The following FER variants were observed in gnomAD, a reference collection of about 807,000 sequenced individuals.
FER encodes tyrosine-protein kinase Fer.
In FER, 63 loss-of-function variants were observed where a neutral mutation model predicts 111.0. That is an observed-to-expected ratio of 0.57 (90% CI 0.46 to 0.70). The LOEUF is 0.70. Ranked by LOEUF, FER falls within the 30% of genes least tolerant of loss-of-function variation. The pLI is 0.00. For synonymous variants in FER, 327 were observed against 313.9 expected (o/e 1.04, Z -0.44); for missense variants, 914 against 954.0 (o/e 0.96, Z 0.55).
At chr5:108,943,778 G>A in intron 10 of FER, among the ~76,000 whole-genome samples, 1 of 151,894 alleles carries the variant, frequency 6.6e-6, no homozygotes, top group East Asian at 1.9e-4. Flanking sequence ...CTGTTGCCCA[G>A]GCTGGAGTAC....
intron 17 of FER, among the ~76,000 whole-genome samples, chr5:109,115,715 CAG>C (rs1483336076): frequency 6.6e-6 from 1 of 151,964 alleles, no homozygotes; most frequent in Non-Finnish European, 1.5e-5. Flanking sequence ...TCAGAAAAAT[CAG>C]AATTTTCAGC....
chr5:108,942,384 T>A (rs1581315266), intron 10 of FER, among the ~76,000 whole-genome samples: 1 of 152,174 alleles, frequency 6.6e-6, no homozygotes, highest in Admixed American at 6.6e-5. Context: ...GTTTTGTGCA[T>A]TTGGTTTCTA....
chr5:108,934,051 C>T (rs978384459), intron 10 of FER, among the ~76,000 whole-genome samples: 6 of 151,936 alleles, frequency 3.9e-5, no homozygotes, highest in Non-Finnish European at 8.8e-5. Flanking sequence ...GTTTGAATAC[C>T]CTTTATTTCT....
At chr5:108,960,532 AT>A (rs915125689) in intron 13 of FER, among the ~76,000 whole-genome samples, 13 of 151,900 alleles carry the variant, frequency 8.6e-5, no homozygotes, top group Admixed American at 2.0e-4. Flanking sequence ...AGGTTGTCAC[AT>A]TTTTTCTATA....
chr5:109,055,981 C>T (rs912827659), intron 16 of FER, among the ~76,000 whole-genome samples: 4 of 151,972 alleles, frequency 2.6e-5, no homozygotes, highest in Admixed American at 2.6e-4. Context: ...GATAGGTGCT[C>T]AACATTATTA....
chr5:109,020,645 C>A (rs2149828961), intron 13 of FER, among the ~76,000 whole-genome samples: 1 of 152,050 alleles, frequency 6.6e-6, no homozygotes. Flanking sequence ...TATGTTTTAT[C>A]CAGCTATTAT....
intron 16 of FER, among the ~76,000 whole-genome samples, chr5:109,068,880 A>G (rs1279390216): frequency 1.3e-5 from 2 of 152,340 alleles, no homozygotes; most frequent in East Asian, 1.9e-4. Flanking sequence ...TCAATGAGCT[A>G]TCATATTCTT....
chr5:108,780,842 G>C (rs569006449), intron 2 of FER, among the ~76,000 whole-genome samples: 1 of 135,190 alleles, frequency 7.4e-6, no homozygotes, highest in African/African-American at 3.0e-5. Flanking sequence ...TTTTCTGTTT[G>C]CTTTGTAGTT....
chr5:109,114,971 T>A (rs1426661089), intron 17 of FER, among the ~76,000 whole-genome samples: 1 of 152,060 alleles, frequency 6.6e-6, no homozygotes, highest in Non-Finnish European at 1.5e-5. Context: ...CTTCCTTCTT[T>A]CCCTCCTCTC....
intron 13 of FER, among the ~76,000 whole-genome samples, chr5:108,973,044 T>A (rs1433488964): frequency 6.6e-6 from 1 of 152,188 alleles, no homozygotes; most frequent in Non-Finnish European, 1.5e-5. Context: ...TATCTAATTG[T>A]TTCCATTAAA....
At chr5:108,854,607 C>T (rs933604716) in intron 5 of FER, among the ~76,000 whole-genome samples, 47 of 152,272 alleles carry the variant, frequency 3.1e-4, no homozygotes, top group African/African-American at 1.1e-3. Flanking sequence ...TTCAGGAATG[C>T]AGCTTTCACA....
chr5:109,001,843 GACAA>G (rs1383954405), intron 13 of FER, among the ~76,000 whole-genome samples: 6 of 151,528 alleles, frequency 4.0e-5, no homozygotes, highest in African/African-American at 1.2e-4. Flanking sequence ...ACCAATAACA[GACAA>G]ACAGAGAGCC....
At chr5:109,015,890 A>G in intron 13 of FER, among the ~76,000 whole-genome samples, 1 of 151,924 alleles carries the variant, frequency 6.6e-6, no homozygotes, top group East Asian at 1.9e-4. Context: ...ACTCCGAAGA[A>G]TGTCTTTAAT....
chr5:109,148,305 A>G (rs1486489352), intron 17 of FER, among the ~76,000 whole-genome samples: 1 of 152,122 alleles, frequency 6.6e-6, no homozygotes, highest in Admixed American at 6.6e-5. Flanking sequence ...TTTTTACTTT[A>G]AGCATAAGTC....
At chr5:108,874,098 T>G (rs1345388902) in intron 8 of FER, among the ~76,000 whole-genome samples, 1 of 152,206 alleles carries the variant, frequency 6.6e-6, no homozygotes, top group East Asian at 1.9e-4. Context: ...TTGTAAGGGT[T>G]AATGCCTTCA....
At chr5:108,749,158 C>T (rs1267574844) in intron 1 of FER, among the ~76,000 whole-genome samples, 2 of 152,128 alleles carry the variant, frequency 1.3e-5, no homozygotes, top group Non-Finnish European at 2.9e-5. Context: ...CGAGGCTCTT[C>T]CTCCGCCCTC....
chr5:108,866,504 G>A (rs1412656982), intron 5 of FER, among the ~76,000 whole-genome samples: 1 of 151,876 alleles, frequency 6.6e-6, no homozygotes, highest in Non-Finnish European at 1.5e-5. Flanking sequence ...GTTAATGGGT[G>A]CCACACACCA....
intron 16 of FER, among the ~76,000 whole-genome samples, chr5:109,061,413 C>T (rs769545676): frequency 2.6e-5 from 4 of 151,972 alleles, no homozygotes; most frequent in Non-Finnish European, 5.9e-5. Flanking sequence ...AGTTATTCTA[C>T]TAGAAGTTAT....
intron 16 of FER, among the ~76,000 whole-genome samples, chr5:109,053,691 A>ATT (rs544623578): frequency 0.17 from 20,875 of 119,288 alleles, 2,309 homozygotes; most frequent in Non-Finnish European, 0.21. Flanking sequence ...GTGGAGTTCT[A>ATT]TTTTTTTTTT....
Sources: gnomAD v4.1 joint callset for allele counts (sites outside exome capture counted in the v4.1 genomes callset) on GRCh38, gnomAD v4.1.1 for gene constraint, MANE v1.5 for transcripts, NCBI Gene and HGNC (gene_info 2026-07-23, HGNC 2026-07-21) for gene names.